Variants in KCNN4 observed in about 807,000 individuals in gnomAD.
KCNN4 encodes the protein potassium calcium-activated channel subfamily N member 4.
Under a neutral mutation model 45.2 loss-of-function variants are expected in KCNN4, and 31 were observed. The observed-to-expected ratio is 0.69, with a 90% CI of 0.52 to 0.92. The LOEUF (loss-of-function observed/expected upper bound fraction) is 0.92. Ranked by LOEUF, KCNN4 falls within the 40% of genes least tolerant of loss-of-function variation. The pLI, the probability that KCNN4 is intolerant of heterozygous loss-of-function variation, is 0.00. For missense variants in KCNN4, 463 were observed against 574.0 expected, an observed-to-expected ratio of 0.81 and a Z score of 1.98; for synonymous variants, 231 against 254.6, an observed-to-expected ratio of 0.91 and a Z score of 0.88.
Position 43,772,572 on chromosome 19 carries a change from C to T in KCNN4, c.684-437G>A, listed in dbSNP as rs1361979537. On this transcript the variant is annotated intron_variant, in intron 3 of 8. Transcript: ENST00000648319. The surrounding 1 kb of genome is among the most constrained non-coding windows in gnomAD (Gnocchi z 4.4). ...ATTTCCACAAAGATGCTGTGTGGTC[C>T]AGAAGTGGCCCTATCAGGACCAAAA... Among the ~76,000 whole-genome samples the T allele has an allele frequency of 1.3e-5, 2 of 152,092 alleles. No homozygotes were observed. Among genetic ancestry groups the T allele is most frequent in the Non-Finnish European group, 2.9e-5 (2 of 68,008 alleles).
intron 2 of KCNN4, among the ~76,000 whole-genome samples, chr19:43,776,127 CAAAAAAAAA>C (rs59704354): frequency 1.5e-4 from 6 of 40,966 alleles, no homozygotes; most frequent in South Asian, 1.5e-3. Flanking sequence ...GACCTTGTCT[CAAAAAAAAA>C]AAAAAAAAAA....
Position 43,769,183 on chromosome 19 carries a change from C to G in KCNN4, c.1050-151G>C. The G allele has an allele frequency of 1.2e-6, 1 of 845,506 alleles. No homozygotes were observed. Among genetic ancestry groups the G allele is most frequent in the Non-Finnish European group, 1.9e-6 (1 of 520,658 alleles). The allele number at this position is 845,506 out of a possible 1,614,324, so 52.4% of individuals were successfully genotyped here. ...GCTGAAAGAGTGGGAGGGGATGCAC[C>G]CTGCCTCCCCACGAGCCCCCATCCC... On this transcript the variant is annotated intron_variant, in intron 6 of 8. Coordinates refer to ENST00000648319, the MANE Select transcript of KCNN4 (RefSeq NM_002250.3). This position sits in a 1 kb window ranked among gnomAD's most constrained non-coding sequence, Gnocchi z 4.4.
intron 2 of KCNN4, among the ~76,000 whole-genome samples, chr19:43,775,978 A>G (rs1039747131): frequency 6.6e-6 from 1 of 151,974 alleles, no homozygotes; most frequent in Non-Finnish European, 1.5e-5. Flanking sequence ...ATACAAAAAA[A>G]TTAGCTGGGC....
Position 43,768,856 on chromosome 19 carries a change from G to T in KCNN4, c.1119+107C>A, listed in dbSNP as rs922819321. 2.1e-5 allele frequency: 21 copies of T among 986,440 alleles called. No homozygotes were observed. In the African/African-American group the frequency reaches 2.9e-4, roughly 13 times the overall value. 61.1% of individuals were successfully genotyped at this position (986,440 alleles called of 1,614,324 possible). ...AACCACAGACCTTTACTGACAGGCT[G>T]TGTGTGCCAGGCCCCTGCCAAGGTT... On this transcript the variant is annotated intron_variant, in intron 7 of 8. Coordinates refer to ENST00000648319, the MANE Select transcript of KCNN4 (RefSeq NM_002250.3).
At chr19:43,767,160 T>G in intron 8 of KCNN4, 71 bp from the exon 9 acceptor site, 1 of 225,012 alleles carries the variant, frequency 4.4e-6, no homozygotes, top group Non-Finnish European at 9.2e-6. Context: ...CACACCGAGG[T>G]GCAGACAGAA....
At position 43,776,685 on chromosome 19, in the gene KCNN4, G is replaced by A. The variant is rs514328; in HGVS notation, c.160-49C>T. The A allele has an allele frequency of 0.87, 1,082,120 of 1,246,914 alleles. 470,992 individuals carry two copies. Among genetic ancestry groups the A allele is most frequent in the Non-Finnish European group, 0.89 (750,213 of 846,598 alleles). 77.2% of individuals were successfully genotyped at this position (1,246,914 alleles called of 1,614,324 possible). On this transcript the variant is annotated intron_variant, in intron 1 of 8. Transcript: ENST00000648319. ...GGTGTGAGATCCCAGGTCTCCCTCC[G>A]CCTGGCCCTCCACCTTTCCTTCAAA...
intron 7 of KCNN4, among the ~76,000 whole-genome samples, chr19:43,768,319 G>C (rs960528070): frequency 1.3e-5 from 2 of 152,234 alleles, no homozygotes; most frequent in Non-Finnish European, 2.9e-5. Flanking sequence ...TTGAACTGTC[G>C]TGGGCTAACG....
intron 1 of KCNN4, among the ~76,000 whole-genome samples, chr19:43,780,187 T>G (rs1207584279): frequency 6.6e-6 from 1 of 151,876 alleles, no homozygotes; most frequent in Non-Finnish European, 1.5e-5. Context: ...CCTCCAGGGG[T>G]CCTGGACCTC....
Position 43,780,784 on chromosome 19 carries a change from G to T in KCNN4, c.78C>A (p.Ala26=), listed in dbSNP as rs760687852. The T allele has an allele frequency of 1.2e-6, 2 of 1,613,588 alleles. No homozygotes were observed. Among genetic ancestry groups the T allele is most frequent in the African/African-American group, 1.3e-5 (1 of 74,734 alleles). ...TTCCTGCCAGCACCAGTGCCCAGCC[G>T]GCCAGAGACTTCTCCTGCTCCAGCA... ...KRLLEQEKSL[A]GWALVLAGTG... The change falls in exon 1 of 9, where the codon GCC becomes GCA. Residue 26 remains alanine, a synonymous_variant. Transcript: ENST00000648319.
At chr19:43,773,943 G>GTC (rs1338561079) in intron 3 of KCNN4, among the ~76,000 whole-genome samples, 6 of 152,206 alleles carry the variant, frequency 3.9e-5, no homozygotes, top group Non-Finnish European at 7.3e-5. Flanking sequence ...GCTTTCTAGG[G>GTC]TCTGTGTGTG....
At position 43,780,840 on chromosome 19, in the gene KCNN4, C is replaced by T; in HGVS notation, c.22G>A (p.Gly8Ser). 1.2e-6 allele frequency: 2 copies of T among 1,614,058 alleles called. No homozygotes were observed. The highest frequency in any genetic ancestry group is 1.7e-6 in the Non-Finnish European group (2 of 1,179,982). MGGDLVL[G>S]LGALRRRKRL... ...TTTCGGCGTCTCAAGGCCCCCAGGC[C>T]AAGCACCAGATCCCCGCCCATGGCC... is the stretch of plus-strand genomic sequence containing the variant. Residue 8 changes from glycine to serine, a missense_variant, in exon 1 of 9, where the codon GGC becomes AGC. Around this residue, in one of 3 missense-constraint regions of KCNN4, gnomAD observed 225 missense variants for 240.9 expected, o/e 0.93. Transcript: ENST00000648319.
At chr19:43,768,864 C>T in intron 7 of KCNN4, 99 bp downstream of exon 7, 1 of 1,130,742 alleles carries the variant, frequency 8.8e-7, no homozygotes, top group Non-Finnish European at 1.3e-6. Context: ...CTGTGTGTGC[C>T]AGGCCCCTGC....
Position 43,769,276 on chromosome 19 carries a change from C to T in KCNN4, c.1049+166G>A. On this transcript the variant is annotated intron_variant, in intron 6 of 8. Transcript: ENST00000648319. This position sits in a 1 kb window ranked among gnomAD's most constrained non-coding sequence, Gnocchi z 4.4. ...ATGCGGAGACAAACCAGCACAGACA[C>T]ATAGAGTCATGCACGGTCAGATCCA... The T allele has an allele frequency of 2.9e-6, 2 of 687,910 alleles. No homozygotes were observed. The highest frequency in any genetic ancestry group is 2.6e-6 in the Non-Finnish European group (1 of 391,404). The allele number at this position is 687,910 out of a possible 1,614,324, so 42.6% of individuals were successfully genotyped here.
intron 1 of KCNN4, among the ~76,000 whole-genome samples, chr19:43,778,585 T>A (rs1969882110): frequency 6.6e-6 from 1 of 152,192 alleles, no homozygotes; most frequent in African/African-American, 2.4e-5. Flanking sequence ...CACTGGTGGA[T>A]TTCTCAGTAG....
In KCNN4 at chr19:43,780,952, GTC is replaced by G; in HGVS notation, c.-93_-92del. 1 of 1,322,120 alleles carries G rather than the reference GTC, an allele frequency of 7.6e-7. No homozygotes were observed. The highest frequency in any genetic ancestry group is 1.1e-6 in the Non-Finnish European group (1 of 938,402). The allele number at this position is 1,322,120 out of a possible 1,614,324, so 81.9% of individuals were successfully genotyped here. On this transcript the variant is annotated 5_prime_UTR_variant, in exon 1 of 9. Coordinates refer to ENST00000648319, the MANE Select transcript of KCNN4 (RefSeq NM_002250.3). ...GGGCAGCCACTGTGGCTTGCAGGTC[GTC>G]AGCCTGCTCTGCTGGCTCTGGGACT...
At chr19:43,767,302 A>G in intron 8 of KCNN4, 1 of 534,830 alleles carries the variant, frequency 1.9e-6, no homozygotes. Flanking sequence ...AGAGAGAGAG[A>G]GAGACCAAGC....
At chr19:43,775,145 G>C (rs1969764998) in intron 2 of KCNN4, among the ~76,000 whole-genome samples, 1 of 152,216 alleles carries the variant, frequency 6.6e-6, no homozygotes, top group South Asian at 2.1e-4. Context: ...GGCCAACATG[G>C]TGAAACTCCA....
In KCNN4 at chr19:43,772,247, C is replaced by A. The variant is rs1383971620; in HGVS notation, c.684-112G>T. Reference sequence around the variant, plus strand: ...CCTTCCCTCTGGTTCCCTCCCTTCCCCTCCCAGTATACACCCATAGTCCTA... The same window carrying A: ...CCTTCCCTCTGGTTCCCTCCCTTCCACTCCCAGTATACACCCATAGTCCTA... On this transcript the variant is annotated intron_variant, in intron 3 of 8. Coordinates refer to ENST00000648319, the MANE Select transcript of KCNN4 (RefSeq NM_002250.3). This position sits in a 1 kb window ranked among gnomAD's most constrained non-coding sequence, Gnocchi z 4.4. 1 of 1,188,562 alleles carries A rather than the reference C, an allele frequency of 8.4e-7. No individual in the cohort carries two copies. Among genetic ancestry groups the A allele is most frequent in the East Asian group, 2.6e-5 (1 of 38,802 alleles). The allele number at this position is 1,188,562 out of a possible 1,614,324, so 73.6% of individuals were successfully genotyped here.
chr19:43,774,125 G>A lies in KCNN4; in HGVS notation c.683+67C>T, dbSNP rs201726344. 1.3e-4 allele frequency: 200 copies of A among 1,487,666 alleles called. No individual in the cohort carries two copies. The East Asian group carries it at 4.8e-3, about 36-fold the overall frequency. 92.2% of individuals were successfully genotyped at this position (1,487,666 alleles called of 1,614,324 possible). ...CCTAGGGGGCCTCAACCTGCACCGC[G>A]GCACAGGACGGCCGCCGTGGCTGTC... On this transcript the variant is annotated intron_variant, in intron 3 of 8. Coordinates refer to ENST00000648319, the MANE Select transcript of KCNN4 (RefSeq NM_002250.3). This position sits in a 1 kb window ranked among gnomAD's most constrained non-coding sequence, Gnocchi z 5.6.
Sources: gnomAD v4.1 joint callset for allele counts (sites outside exome capture counted in the v4.1 genomes callset) on GRCh38, gnomAD v4.1.1 for gene constraint, gnomAD v4.1.1 regional missense constraint, Gnocchi (gnomAD v3.1) non-coding constraint, MANE v1.5 for transcripts, NCBI Gene and HGNC (gene_info 2026-07-23, HGNC 2026-07-21) for gene names.